Variants in CASZ1 observed in about 807,000 individuals in gnomAD.
CASZ1 encodes the protein castor zinc finger 1, also known as zinc finger protein castor homolog 1.
Under a neutral mutation model 135.2 loss-of-function variants are expected in CASZ1, and 28 were observed. The ratio of observed to expected loss-of-function variants is 0.21; its 90% CI spans 0.15 to 0.28. The LOEUF is 0.28. CASZ1 is among the 10% of genes least tolerant of loss of function. The pLI, the probability that CASZ1 is intolerant of heterozygous loss-of-function variation, is 1.00. For missense variants in CASZ1, 2,161 were observed against 2,453.3 expected, an observed-to-expected ratio of 0.88 and a Z score of 2.52; for synonymous variants, 1,068 against 1,073.4, an observed-to-expected ratio of 0.99 and a Z score of 0.10.
At chr1:10,663,641 G>T (rs1326510998) in intron 5 of CASZ1, among the ~76,000 whole-genome samples, 2 of 152,218 alleles carry the variant, frequency 1.3e-5, no homozygotes, top group African/African-American at 4.8e-5. Context: ...CCAGGCAGGG[G>T]TCCCTGAGGG....
In CASZ1 at chr1:10,726,723, C is replaced by G. The variant is rs1639604646; in HGVS notation, c.-76-21179G>C. Among the ~76,000 whole-genome samples the G allele has an allele frequency of 6.6e-6, 1 of 152,222 alleles. No individual in the cohort carries two copies. Among genetic ancestry groups the G allele is most frequent in the Non-Finnish European group, 1.5e-5 (1 of 68,038 alleles). ...TGCCCAGGGCACCCAGGAAAGGAGACATGAAGATGAGGCCCAGCCAAGGCC... is the reference window on the plus strand; with the variant it reads ...TGCCCAGGGCACCCAGGAAAGGAGAGATGAAGATGAGGCCCAGCCAAGGCC... On this transcript the variant is annotated intron_variant, in intron 2 of 20. Coordinates refer to ENST00000377022, the MANE Select transcript of CASZ1 (RefSeq NM_001079843.3). This position sits in a 1 kb window ranked among gnomAD's most constrained non-coding sequence, Gnocchi z 5.7.
rs1642388087 is a variant in CASZ1 at position 10,647,188 on chromosome 1, G to A, written c.3497+613C>T. Reference sequence around the variant, plus strand: ...GCCCAGCCCCAGTTGCTCAGAGAGGGAGGACAGCTGCCACTCAGGCGATAT... The same window carrying A: ...GCCCAGCCCCAGTTGCTCAGAGAGGAAGGACAGCTGCCACTCAGGCGATAT... On this transcript the variant is annotated intron_variant, in intron 16 of 20. Coordinates refer to ENST00000377022, the MANE Select transcript of CASZ1 (RefSeq NM_001079843.3). This position sits in a 1 kb window ranked among gnomAD's most constrained non-coding sequence, Gnocchi z 4.9. 9.2e-6 allele frequency: 9 copies of A among 978,512 alleles called. No individual in the cohort carries two copies. The highest frequency in any genetic ancestry group is 1.1e-5 in the Non-Finnish European group (9 of 822,710). The allele number at this position is 978,512 out of a possible 1,614,324, so 60.6% of individuals were successfully genotyped here. A position where few individuals can be genotyped will look rare whatever the true frequency, so the allele number is the denominator to read the frequency against.
chr1:10,767,454 C>G lies in CASZ1; in HGVS notation c.-233-6597G>C, dbSNP rs914987042. Among the ~76,000 whole-genome samples the G allele has an allele frequency of 1.3e-5, 2 of 152,164 alleles. No homozygotes were observed. Among genetic ancestry groups the G allele is most frequent in the South Asian group, 2.1e-4 (1 of 4,832 alleles). On this transcript the variant is annotated intron_variant, in intron 1 of 20. Coordinates refer to ENST00000377022, the MANE Select transcript of CASZ1 (RefSeq NM_001079843.3). The surrounding 1 kb of genome is among the most constrained non-coding windows in gnomAD (Gnocchi z 4.2). Reference sequence around the variant, plus strand: ...AGGCAGATCCCTGGAGGGGACAGGGCGGGGGCGATGGGAGCACAGGCTTCC... The same window carrying G: ...AGGCAGATCCCTGGAGGGGACAGGGGGGGGGCGATGGGAGCACAGGCTTCC...
At position 10,757,231 on chromosome 1, in the gene CASZ1, G is replaced by A. The variant is rs998887309; in HGVS notation, c.-77+3470C>T. Among the ~76,000 whole-genome samples the A allele has an allele frequency of 2.0e-5, 3 of 152,110 alleles. No individual in the cohort carries two copies. Among genetic ancestry groups the A allele is most frequent in the African/African-American group, 4.8e-5 (2 of 41,368 alleles). ...TTCTTGGTACTGCTGTGTTCAGGGG[G>A]CAGGAGAGAGAGGAGAAGACACAGA... On this transcript the variant is annotated intron_variant, in intron 2 of 20. Transcript: ENST00000377022. This position sits in a 1 kb window ranked among gnomAD's most constrained non-coding sequence, Gnocchi z 4.6.
At position 10,709,885 on chromosome 1, in the gene CASZ1, C is replaced by T. The variant is rs529669936; in HGVS notation, c.-76-4341G>A. Among the ~76,000 whole-genome samples the T allele has an allele frequency of 1.5e-3, 236 of 152,266 alleles. No homozygotes were observed. The highest frequency in any genetic ancestry group is 2.3e-3 in the Non-Finnish European group (155 of 68,026). ...CCGCACAGGCCAGCAGGTGCCCGAT[C>T]GAGACAGAGGCCTCGGGAAAGGAGC... On this transcript the variant is annotated intron_variant, in intron 2 of 20. Coordinates refer to ENST00000377022, the MANE Select transcript of CASZ1 (RefSeq NM_001079843.3). This position sits in a 1 kb window ranked among gnomAD's most constrained non-coding sequence, Gnocchi z 5.1.
At position 10,701,533 on chromosome 1, in the gene CASZ1, G is replaced by C. The variant is rs963327768; in HGVS notation, c.-24+3959C>G. On this transcript the variant is annotated intron_variant, in intron 3 of 20. Transcript: ENST00000377022. The surrounding 1 kb of genome is among the most constrained non-coding windows in gnomAD (Gnocchi z 6.3). ...TCAGAGTGATGGAGTGATGGGAGGAGGGGGGGCGCGGTCAGAAGAAGGAGA... is the reference window on the plus strand; with the variant it reads ...TCAGAGTGATGGAGTGATGGGAGGACGGGGGGCGCGGTCAGAAGAAGGAGA... 6.6e-6 allele frequency among the ~76,000 whole-genome samples: 1 copy of C among 151,056 alleles called. No individual in the cohort carries two copies. Among genetic ancestry groups the C allele is most frequent in the Non-Finnish European group, 1.5e-5 (1 of 68,012 alleles).
At chr1:10,672,662 T>A (rs1431261980) in intron 4 of CASZ1, among the ~76,000 whole-genome samples, 1 of 152,258 alleles carries the variant, frequency 6.6e-6, no homozygotes, top group Non-Finnish European at 1.5e-5. Flanking sequence ...CTGTCAATTT[T>A]CAAAACGAAT....
rs919836029 is a variant in CASZ1 at position 10,776,789 on chromosome 1, C to T, written c.-233-15932G>A. Among the ~76,000 whole-genome samples, 1 of 152,178 alleles carries T rather than the reference C, an allele frequency of 6.6e-6. No individual in the cohort carries two copies. The highest frequency in any genetic ancestry group is 1.5e-5 in the Non-Finnish European group (1 of 68,036). On this transcript the variant is annotated intron_variant, in intron 1 of 20. Coordinates refer to ENST00000377022, the MANE Select transcript of CASZ1 (RefSeq NM_001079843.3). The surrounding 1 kb of genome is among the most constrained non-coding windows in gnomAD (Gnocchi z 4.1). ...GGGTGACGGCTCTATGGGGGCCAAC[C>T]CTCTTGCTCATCTTGGGAGGTGGCT...
At chr1:10,714,515 G>A (rs1208224255) in intron 2 of CASZ1, among the ~76,000 whole-genome samples, 2 of 152,154 alleles carry the variant, frequency 1.3e-5, no homozygotes, top group African/African-American at 4.8e-5. Flanking sequence ...TCCGGCCCAC[G>A]AGGCTGGAGT....
intron 4 of CASZ1, among the ~76,000 whole-genome samples, chr1:10,691,788 G>T (rs1024101579): frequency 6.6e-5 from 10 of 152,322 alleles, no homozygotes; most frequent in African/African-American, 2.4e-4. Context: ...GAAGTGGGGG[G>T]AAGACTGCTT....
intron 1 of CASZ1, among the ~76,000 whole-genome samples, chr1:10,764,105 G>A (rs1037897939): frequency 2.0e-5 from 3 of 152,114 alleles, no homozygotes; most frequent in Admixed American, 6.5e-5. Flanking sequence ...TCAGGTGATC[G>A]GCCTGCCTTG....
rs1315726422 is a variant in CASZ1 at position 10,660,108 on chromosome 1, A to G, written c.934T>C (p.Tyr312His). 9 of 1,614,024 alleles carry G rather than the reference A, an allele frequency of 5.6e-6. No homozygotes were observed. The highest frequency in any genetic ancestry group is 7.6e-6 in the Non-Finnish European group (9 of 1,180,008). ...MQNLVARASK[Y>H]DFFIQKLKTG... ...TTCAGTTTTTGGATGAAGAAGTCGTACTTGGAGGCCCGGGCTACCAGGTTC... is the reference window on the plus strand; with the variant it reads ...TTCAGTTTTTGGATGAAGAAGTCGTGCTTGGAGGCCCGGGCTACCAGGTTC... The change falls in exon 6 of 21, where the codon TAC becomes CAC. Residue 312 changes from tyrosine to histidine, a missense_variant. Physicochemically the swap from Tyr to His is moderately conservative, Grantham distance 83. Around this residue, in one of 7 missense-constraint regions of CASZ1, gnomAD observed 590 missense variants for 609.8 expected, o/e 0.97. Transcript: ENST00000377022.
At position 10,726,601 on chromosome 1, in the gene CASZ1, G is replaced by A. The variant is rs556648264; in HGVS notation, c.-76-21057C>T. 1.2e-4 allele frequency among the ~76,000 whole-genome samples: 19 copies of A among 152,368 alleles called. No homozygotes were observed. Among genetic ancestry groups the A allele is most frequent in the Non-Finnish European group, 2.4e-4 (16 of 68,032 alleles). On this transcript the variant is annotated intron_variant, in intron 2 of 20. Transcript: ENST00000377022. The surrounding 1 kb of genome is among the most constrained non-coding windows in gnomAD (Gnocchi z 5.7). ...GGCACGGGGAATGGAGCCCTCGCCA[G>A]CGTCTTTACTAGGCCCTGGCGCTGT... is the stretch of plus-strand genomic sequence containing the variant.
chr1:10,709,006 C>A lies in CASZ1; in HGVS notation c.-76-3462G>T, dbSNP rs1639231467. Among the ~76,000 whole-genome samples the A allele has an allele frequency of 6.7e-6, 1 of 148,318 alleles. No homozygotes were observed. Among genetic ancestry groups the A allele is most frequent in the East Asian group, 2.0e-4 (1 of 5,064 alleles). On this transcript the variant is annotated intron_variant, in intron 2 of 20. Coordinates refer to ENST00000377022, the MANE Select transcript of CASZ1 (RefSeq NM_001079843.3). The surrounding 1 kb of genome is among the most constrained non-coding windows in gnomAD (Gnocchi z 5.1). ...CCATGGGTGAGGGAGGGAGGGAGTGCCACGAGAGATGGGACGGGGGAGAGT... is the reference window on the plus strand; with the variant it reads ...CCATGGGTGAGGGAGGGAGGGAGTGACACGAGAGATGGGACGGGGGAGAGT...
In CASZ1 at chr1:10,661,643, AACAC is replaced by A. The variant is rs568587735; in HGVS notation, c.506-1111_506-1108del. Among the ~76,000 whole-genome samples the A allele has an allele frequency of 1.4e-3, 195 of 144,018 alleles. 1 individual carries two copies. The highest frequency in any genetic ancestry group is 4.5e-3 in the African/African-American group (174 of 38,626). 94.5% of individuals were successfully genotyped at this position (144,018 alleles called of 152,430 possible). On this transcript the variant is annotated intron_variant, in intron 5 of 20. Transcript: ENST00000377022. ...CATACAACACACACATGCATTCTCAAACACACACACGGTCACATTCACACGATCA... is the reference window on the plus strand; with the variant it reads ...CATACAACACACACATGCATTCTCAAACACACGGTCACATTCACACGATCA...
chr1:10,732,140 C>T (rs1639712381), intron 2 of CASZ1, among the ~76,000 whole-genome samples: 4 of 151,656 alleles, frequency 2.6e-5, no homozygotes, highest in African/African-American at 7.3e-5. Context: ...GCCTGGCCAA[C>T]GTAGTGAAAC....
At chr1:10,651,340 G>C (rs1364335738) in intron 11 of CASZ1, 1 of 239,866 alleles carries the variant, frequency 4.2e-6, no homozygotes, top group African/African-American at 2.3e-5. Context: ...AGGGGGCTGG[G>C]GTGGGGGCGG....
rs1640623295 is a variant in CASZ1, at chr1:10,774,247, T to C, written c.-233-13390A>G. 6.6e-6 allele frequency among the ~76,000 whole-genome samples: 1 copy of C among 152,178 alleles called. No homozygotes were observed. The highest frequency in any genetic ancestry group is 6.5e-5 in the Admixed American group (1 of 15,284). ...GCTAAATCCTTGGATACACACGGTA[T>C]ATCTCCTGACTCTCGGAGAATCGGG... On this transcript the variant is annotated intron_variant, in intron 1 of 20. Coordinates refer to ENST00000377022, the MANE Select transcript of CASZ1 (RefSeq NM_001079843.3). This position sits in a 1 kb window ranked among gnomAD's most constrained non-coding sequence, Gnocchi z 4.4.
At chr1:10,649,630 C>T (rs912976387) in intron 13 of CASZ1, 193 bp from the exon 14 acceptor site, 56 of 625,752 alleles carry the variant, frequency 8.9e-5, no homozygotes, top group Non-Finnish European at 1.3e-4. Context: ...TGTGCTGCCC[C>T]GACCCCAGGA....
Sources: gnomAD v4.1 joint callset for allele counts (sites outside exome capture counted in the v4.1 genomes callset) on GRCh38, gnomAD v4.1.1 for gene constraint, gnomAD v4.1.1 regional missense constraint, Gnocchi (gnomAD v3.1) non-coding constraint, MANE v1.5 for transcripts, NCBI Gene and HGNC (gene_info 2026-07-23, HGNC 2026-07-21) for gene names.